The following SYNPR variants were observed in gnomAD, a reference collection of about 807,000 sequenced individuals.
SYNPR encodes synaptoporin.
Under a neutral mutation model 32.9 loss-of-function variants are expected in SYNPR, and 23 were observed. The observed-to-expected ratio is 0.70, with a 90% confidence interval of 0.50 to 0.99. The LOEUF is 0.99. SYNPR is among the 50% of genes least tolerant of loss of function. The pLI is 0.00. For synonymous variants in SYNPR, 146 were observed against 135.9 expected, an observed-to-expected ratio of 1.07 and a Z score of -0.52; for missense variants, 318 against 349.3, an observed-to-expected ratio of 0.91 and a Z score of 0.71.
At chr3:63,392,379 T>C (rs1419870893) in intron 2 of SYNPR, among the ~76,000 whole-genome samples, 1 of 152,222 alleles carries the variant, frequency 6.6e-6, no homozygotes, top group Admixed American at 6.5e-5. Flanking sequence ...AAAAAAGGAA[T>C]GACCATACAC....
chr3:63,229,560 A>C (rs1013729208), intron 1 of SYNPR, among the ~76,000 whole-genome samples: 3 of 152,166 alleles, frequency 2.0e-5, no homozygotes, highest in African/African-American at 7.2e-5. Flanking sequence ...TTGGAAGTGT[A>C]AACTGTGTTA....
chr3:63,441,001 A>G (rs1022225483), intron 2 of SYNPR, among the ~76,000 whole-genome samples: 1 of 152,184 alleles, frequency 6.6e-6, no homozygotes, highest in East Asian at 1.9e-4. Context: ...TACCCTGTAC[A>G]CTGAATAAAC....
chr3:63,569,691 C>T (rs1186155816), intron 4 of SYNPR, among the ~76,000 whole-genome samples: 1 of 152,262 alleles, frequency 6.6e-6, no homozygotes, highest in African/African-American at 2.4e-5. Context: ...CTGGGCTCTG[C>T]ATGCCCTCAG....
intron 3 of SYNPR, among the ~76,000 whole-genome samples, chr3:63,272,858 A>G (rs1441778190): frequency 6.6e-6 from 1 of 152,104 alleles, no homozygotes; most frequent in East Asian, 1.9e-4. Flanking sequence ...TGTCTCAGTG[A>G]TTGGCTTTTT....
chr3:63,457,767 A>T (rs1009279469), intron 2 of SYNPR, among the ~76,000 whole-genome samples: 5 of 152,136 alleles, frequency 3.3e-5, no homozygotes, highest in African/African-American at 1.2e-4. Flanking sequence ...AGACACATTG[A>T]ATATTTAGCG....
intron 3 of SYNPR, among the ~76,000 whole-genome samples, chr3:63,506,285 G>A (rs1197942634): frequency 6.6e-6 from 1 of 152,124 alleles, no homozygotes; most frequent in African/African-American, 2.4e-5. Context: ...GGTGACTGAT[G>A]GAGTACATAT....
At chr3:63,300,409 C>G (rs963349576) in intron 2 of SYNPR, among the ~76,000 whole-genome samples, 1 of 151,888 alleles carries the variant, frequency 6.6e-6, no homozygotes, top group African/African-American at 2.4e-5. Flanking sequence ...AAGAATGTAG[C>G]ATAGTGTTGA....
intron 3 of SYNPR, among the ~76,000 whole-genome samples, chr3:63,543,115 T>C (rs574760839): frequency 1.3e-5 from 2 of 152,294 alleles, no homozygotes; most frequent in South Asian, 2.1e-4. Flanking sequence ...GTCAGAATAA[T>C]AGCTGCTTCT....
chr3:63,573,118 G>C (rs920075388), intron 4 of SYNPR, among the ~76,000 whole-genome samples: 5 of 152,140 alleles, frequency 3.3e-5, no homozygotes, highest in African/African-American at 1.2e-4. Flanking sequence ...ATTAATTGCA[G>C]CTTCTAAAGA....
intron 2 of SYNPR, among the ~76,000 whole-genome samples, chr3:63,346,407 T>C (rs941593538): frequency 2.6e-5 from 4 of 152,218 alleles, no homozygotes; most frequent in Non-Finnish European, 5.9e-5. Flanking sequence ...TATAACTGTA[T>C]TTGTTCCTTG....
chr3:63,510,896 G>T (rs571859241), intron 3 of SYNPR, among the ~76,000 whole-genome samples: 1 of 113,368 alleles, frequency 8.8e-6, no homozygotes, highest in South Asian at 2.9e-4. Context: ...TTAAGTAAAT[G>T]AAAAGGCAAA....
At chr3:63,221,365 T>G in the SYNPR span, among the ~76,000 whole-genome samples, 2 of 152,176 alleles carry the variant, frequency 1.3e-5, no homozygotes, top group Non-Finnish European at 2.9e-5. Flanking sequence ...TATGCTTATA[T>G]TCATTATACA....
At chr3:63,367,342 A>ATTATTTATTTATTTATGTATTTAT (rs139332931) in intron 2 of SYNPR, among the ~76,000 whole-genome samples, 1 of 143,588 alleles carries the variant, frequency 7.0e-6, no homozygotes, top group African/African-American at 2.6e-5. Flanking sequence ...TCACTGTTGA[A>ATTATTTATTTATTTATGTATTTAT]TTATTTATTT....
chr3:63,391,274 TA>T (rs1225284905), intron 2 of SYNPR, among the ~76,000 whole-genome samples: 1 of 152,186 alleles, frequency 6.6e-6, no homozygotes, highest in Admixed American at 6.5e-5. Context: ...AGGAAGTCCA[TA>T]AAATTTGCAC....
chr3:63,318,819 G>A (rs909932676), intron 2 of SYNPR, among the ~76,000 whole-genome samples: 1 of 151,898 alleles, frequency 6.6e-6, no homozygotes, highest in East Asian at 1.9e-4. Context: ...ATTTTTGAGG[G>A]GTGTTGAAGA....
chr3:63,438,246 C>A (rs2107155264), intron 2 of SYNPR, among the ~76,000 whole-genome samples: 1 of 152,260 alleles, frequency 6.6e-6, no homozygotes, highest in South Asian at 2.1e-4. Context: ...GACTACATTT[C>A]CATCCAAAAA....
At chr3:63,336,340 C>T (rs771271819) in intron 2 of SYNPR, among the ~76,000 whole-genome samples, 23 of 151,402 alleles carry the variant, frequency 1.5e-4, no homozygotes, top group Non-Finnish European at 2.7e-4. Flanking sequence ...CACATACACA[C>T]GAATAAAAGG....
At chr3:63,265,173 C>G (rs1237240460) in intron 2 of SYNPR, among the ~76,000 whole-genome samples, 1 of 149,122 alleles carries the variant, frequency 6.7e-6, no homozygotes, top group Non-Finnish European at 1.5e-5. Context: ...TCTTTCAAAA[C>G]TATAGAAATA....
chr3:63,225,536 A>C (rs1010674015), upstream of SYNPR, among the ~76,000 whole-genome samples: 1 of 152,196 alleles, frequency 6.6e-6, no homozygotes, highest in African/African-American at 2.4e-5. Flanking sequence ...GAAGCTTATT[A>C]GGGAGCACTT....
Sources: allele counts gnomAD v4.1 joint callset (sites outside exome capture counted in the v4.1 genomes callset), GRCh38; gene constraint gnomAD v4.1.1; transcripts MANE v1.5; gene names NCBI Gene and HGNC (gene_info 2026-07-23, HGNC 2026-07-21).